Variants in DLG2 observed in about 807,000 individuals in gnomAD.
The protein encoded by DLG2 is discs large MAGUK scaffold protein 2, also known as disks large homolog 2.
A neutral mutation model predicts 132.5 loss-of-function variants in DLG2; 45 were observed. That is an observed-to-expected ratio of 0.34 (90% confidence interval 0.27 to 0.44). The LOEUF (loss-of-function observed/expected upper bound fraction) is 0.44. DLG2 is among the 20% of genes least tolerant of loss of function. DLG2 has a pLI of 1.00. For missense variants in DLG2, 1,045 were observed against 1,196.9 expected, an observed-to-expected ratio of 0.87 and a Z score of 1.87; for synonymous variants, 424 against 419.6, an observed-to-expected ratio of 1.01 and a Z score of -0.13.
chr11:84,937,699 C>A (rs1287417941), intron 6 of DLG2, among the ~76,000 whole-genome samples: 1 of 152,060 alleles, frequency 6.6e-6, no homozygotes, highest in African/African-American at 2.4e-5. Context: ...AGTTTGTAGG[C>A]AGACTGGTTA....
At chr11:85,443,335 T>A (rs1242525452) in intron 3 of DLG2, among the ~76,000 whole-genome samples, 1 of 152,220 alleles carries the variant, frequency 6.6e-6, no homozygotes, top group East Asian at 1.9e-4. Context: ...AACACAGTAC[T>A]TGTTACATTG....
intron 18 of DLG2, among the ~76,000 whole-genome samples, chr11:83,674,050 C>T (rs750988864): frequency 3.9e-5 from 6 of 152,136 alleles, no homozygotes; most frequent in Non-Finnish European, 7.3e-5. Flanking sequence ...AAATGTTATT[C>T]TCCCTAATTG....
rs188894364 is a variant in DLG2, at chr11:84,907,470, C to T, written c.357+204191G>A. ...AATTAAACTAATATTTACTGCAGGC[C>T]TAACATGTGCCTGATGCTAAGCCCG... On this transcript the variant is annotated intron_variant, in intron 6 of 27. Coordinates refer to ENST00000376104, the MANE Select transcript of DLG2 (RefSeq NM_001142699.3). Among the ~76,000 whole-genome samples the T allele has an allele frequency of 9.9e-4, 150 of 152,218 alleles. 1 individual carries two copies. The highest frequency in any genetic ancestry group is 3.5e-3 in the African/African-American group (146 of 41,532).
intron 6 of DLG2, among the ~76,000 whole-genome samples, chr11:84,879,197 A>C (rs2086892815): frequency 6.6e-6 from 1 of 152,158 alleles, no homozygotes. Context: ...GCTGCAAGTC[A>C]ATCACCAAAG....
intron 17 of DLG2, among the ~76,000 whole-genome samples, chr11:83,831,432 A>AT (rs2054471471): frequency 6.6e-6 from 1 of 152,150 alleles, no homozygotes; most frequent in Non-Finnish European, 1.5e-5. Context: ...ACAGTGACAC[A>AT]TACGACAAGG....
chr11:84,965,058 G>T (rs1396372126), intron 6 of DLG2, among the ~76,000 whole-genome samples: 1 of 151,972 alleles, frequency 6.6e-6, no homozygotes. Flanking sequence ...AGTAAATTTT[G>T]AGCACTCTAT....
rs1027625644 is a variant in DLG2, at chr11:83,888,034, T to C, written c.1497-13546A>G. On this transcript the variant is annotated intron_variant, in intron 15 of 27. Transcript: ENST00000376104. Reference sequence around the variant, plus strand: ...AACTGGAAGCATTCCCTTTGAAAACTGGCACAAGACAGGGATGCCCTCTCT... The same window carrying C: ...AACTGGAAGCATTCCCTTTGAAAACCGGCACAAGACAGGGATGCCCTCTCT... Among the ~76,000 whole-genome samples the C allele has an allele frequency of 1.1e-3, 160 of 143,862 alleles. 1 individual carries two copies. Among genetic ancestry groups the C allele is most frequent in the African/African-American group, 4.0e-3 (152 of 38,276 alleles). The allele number at this position is 143,862 out of a possible 152,430, so 94.4% of individuals were successfully genotyped here. A position where few individuals can be genotyped will look rare whatever the true frequency, so the allele number is the denominator to read the frequency against.
intron 18 of DLG2, among the ~76,000 whole-genome samples, chr11:83,721,905 A>T (rs2088689028): frequency 6.6e-6 from 1 of 152,160 alleles, no homozygotes; most frequent in African/African-American, 2.4e-5. Flanking sequence ...TCTTGTAGGT[A>T]TTTCAAAACA....
chr11:85,270,659 A>G (rs1413624983), intron 4 of DLG2, among the ~76,000 whole-genome samples: 1 of 152,184 alleles, frequency 6.6e-6, no homozygotes, highest in Non-Finnish European at 1.5e-5. Context: ...GATATGAACA[A>G]CGAAATCCAG....
At chr11:83,918,817 G>A (rs1377657638) in intron 15 of DLG2, among the ~76,000 whole-genome samples, 1 of 145,390 alleles carries the variant, frequency 6.9e-6, no homozygotes, top group Non-Finnish European at 1.5e-5. Flanking sequence ...TGAAGTCACA[G>A]CCCAAGGTGG....
At chr11:85,519,029 A>G (rs1409681834) in intron 3 of DLG2, among the ~76,000 whole-genome samples, 2 of 152,180 alleles carry the variant, frequency 1.3e-5, no homozygotes, top group African/African-American at 4.8e-5. Flanking sequence ...AGACATATGG[A>G]AACACCCGGA....
At chr11:85,177,292 C>CATATAT (rs58302358) in intron 4 of DLG2, among the ~76,000 whole-genome samples, 149 of 149,676 alleles carry the variant, frequency 1.0e-3, no homozygotes, top group East Asian at 3.7e-3. Context: ...CATATACACA[C>CATATAT]ACACACACAC....
At chr11:85,536,014 G>T (rs2075555020) in intron 3 of DLG2, among the ~76,000 whole-genome samples, 1 of 151,858 alleles carries the variant, frequency 6.6e-6, no homozygotes, top group South Asian at 2.1e-4. Context: ...TCAGGAGTTA[G>T]AGACCAAACT....
intron 6 of DLG2, among the ~76,000 whole-genome samples, chr11:85,042,442 AT>A (rs1386235240): frequency 6.6e-6 from 1 of 151,990 alleles, no homozygotes; most frequent in Non-Finnish European, 1.5e-5. Flanking sequence ...GCAACATCCA[AT>A]TTTCCATTTT....
chr11:83,912,715 G>A (rs1468413979), intron 15 of DLG2, among the ~76,000 whole-genome samples: 4 of 152,084 alleles, frequency 2.6e-5, no homozygotes, highest in Admixed American at 6.6e-5. Flanking sequence ...TGGGCAACCC[G>A]ATACTGATAT....
chr11:85,468,831 A>T (rs538228828), intron 3 of DLG2, among the ~76,000 whole-genome samples: 7 of 152,058 alleles, frequency 4.6e-5, no homozygotes, highest in South Asian at 4.2e-4. Context: ...AATTTTTTTT[A>T]AATATTTATA....
intron 3 of DLG2, among the ~76,000 whole-genome samples, chr11:85,565,980 G>A (rs2077505899): frequency 6.6e-6 from 1 of 152,038 alleles, no homozygotes; most frequent in South Asian, 2.1e-4. Flanking sequence ...TATGTATCAG[G>A]GTTCCAATTT....
chr11:85,168,994 T>G (rs1265850010), intron 4 of DLG2, among the ~76,000 whole-genome samples: 1 of 151,960 alleles, frequency 6.6e-6, no homozygotes, highest in South Asian at 2.1e-4. Context: ...CCATGTGGAG[T>G]TGGTTCCAGA....
At chr11:84,891,884 A>AT (rs1332368524) in intron 6 of DLG2, among the ~76,000 whole-genome samples, 2 of 152,176 alleles carry the variant, frequency 1.3e-5, no homozygotes, top group African/African-American at 4.8e-5. Flanking sequence ...CAGATGAGGG[A>AT]TAAAAAAATA....
Sources: gnomAD v4.1 joint callset for allele counts (sites outside exome capture counted in the v4.1 genomes callset) on GRCh38, gnomAD v4.1.1 for gene constraint, MANE v1.5 for transcripts, NCBI Gene and HGNC (gene_info 2026-07-23, HGNC 2026-07-21) for gene names.